Variants in PADI3 observed in about 807,000 individuals in gnomAD.
PADI3 encodes the protein peptidyl arginine deiminase 3, also known as protein-arginine deiminase type-3.
Under a neutral mutation model 71.5 loss-of-function variants are expected in PADI3, and 53 were observed. The observed-to-expected ratio is 0.74, with a 90% CI of 0.59 to 0.93. The LOEUF (loss-of-function observed/expected upper bound fraction) is 0.93, where lower values mean the gene tolerates loss of function less well. Among genes scored for constraint, PADI3 ranks in the 40% least tolerant of loss-of-function variants. PADI3 has a pLI of 0.00. For missense variants in PADI3, 821 were observed against 868.0 expected, an observed-to-expected ratio of 0.95 and a Z score of 0.68; for synonymous variants, 361 against 347.5, an observed-to-expected ratio of 1.04 and a Z score of -0.43.
At chr1:17,277,702 G>A (rs1329796446) in intron 13 of PADI3, among the ~76,000 whole-genome samples, 1 of 152,192 alleles carries the variant, frequency 6.6e-6, no homozygotes, top group East Asian at 1.9e-4. Context: ...GCAGCACTCT[G>A]CCCCCAGCAG....
intron 6 of PADI3, among the ~76,000 whole-genome samples, chr1:17,268,498 CTTTTTTTTTTTTTTT>C (rs564947321): frequency 2.2e-5 from 2 of 89,446 alleles, no homozygotes; most frequent in Admixed American, 1.3e-4. Context: ...TAATAAGATG[CTTTTTTTTTTTTTTT>C]TTTTTTTTTT....
chr1:17,262,096 CT>C (rs2073109190), intron 2 of PADI3, 36 bp from the exon 3 acceptor site: 2 of 1,594,766 alleles, frequency 1.3e-6, no homozygotes, highest in Non-Finnish European at 1.7e-6. Flanking sequence ...GAGCTCTTGG[CT>C]TCTGCTGGTA....
At chr1:17,282,493 G>A (rs1262212750) in intron 15 of PADI3, among the ~76,000 whole-genome samples, 2 of 152,146 alleles carry the variant, frequency 1.3e-5, no homozygotes, top group African/African-American at 4.8e-5. Context: ...CCTGGGAGAG[G>A]GACTCTGATT....
At chr1:17,272,710 G>T (rs7545176) in intron 9 of PADI3, among the ~76,000 whole-genome samples, 1 of 151,658 alleles carries the variant, frequency 6.6e-6, no homozygotes, top group African/African-American at 2.4e-5. Context: ...GTTGCCCAGG[G>T]TTGTCTCAAA....
chr1:17,273,267 G>A lies in PADI3; in HGVS notation c.1048-73G>A, dbSNP rs1438843402. 12 of 1,208,876 alleles carry A rather than the reference G, an allele frequency of 9.9e-6. No individual in the cohort carries two copies. The East Asian group carries it at 2.4e-4, about 24-fold the overall frequency. The allele number at this position is 1,208,876 out of a possible 1,614,324, so 74.9% of individuals were successfully genotyped here. On this transcript the variant is annotated intron_variant, in intron 9 of 15. Transcript: ENST00000375460. ...CTTGGTGAGCAGTCTGCCCCACAGGGCTCAGAGCCGAGCCAGCAGGGGCAG... is the reference window on the plus strand; with the variant it reads ...CTTGGTGAGCAGTCTGCCCCACAGGACTCAGAGCCGAGCCAGCAGGGGCAG...
chr1:17,280,443 G>T lies in PADI3; in HGVS notation c.1635+14G>T. On this transcript the variant is annotated intron_variant, in intron 14 of 15. Coordinates refer to ENST00000375460, the MANE Select transcript of PADI3 (RefSeq NM_016233.2). ...AAGTTTGTGCAGGTACAAGGGCTGT[G>T]GTGTACCTGTGGGCTGTGATTTGGG... is the stretch of plus-strand genomic sequence containing the variant. 6.2e-7 allele frequency: 1 copy of T among 1,605,068 alleles called. No homozygotes were observed. Among genetic ancestry groups the T allele is most frequent in the Non-Finnish European group, 8.5e-7 (1 of 1,171,700 alleles).
intron 1 of PADI3, among the ~76,000 whole-genome samples, chr1:17,253,571 A>C (rs2977262): frequency 0.29 from 44,704 of 151,966 alleles, 6,682 homozygotes; most frequent in South Asian, 0.35. Flanking sequence ...TCAACCCTGG[A>C]AGTGTGTTTC....
chr1:17,280,664 C>T lies in PADI3; in HGVS notation c.1636-7C>T, dbSNP rs138892691. 257 of 1,614,048 alleles carry T rather than the reference C, an allele frequency of 1.6e-4. 2 individuals carry two copies. The African/African-American group carries it at 3.0e-3, about 19-fold the overall frequency. ...TGTCCCCAACTCTGGCCCTCCCCTG[C>T]CCCCAGAGCTGCATCGACTGGAACC... On this transcript the variant is annotated splice_polypyrimidine_tract_variant and splice_region_variant and intron_variant, in intron 14 of 15. Coordinates refer to ENST00000375460, the MANE Select transcript of PADI3 (RefSeq NM_016233.2).
chr1:17,276,716 A>C lies in PADI3; in HGVS notation c.1452+53A>C, dbSNP rs543674764. On this transcript the variant is annotated intron_variant, in intron 12 of 15. Transcript: ENST00000375460. The stretch of plus-strand genomic sequence containing the variant: ...TCCCTGGCATCTGGGGCAAGAACTG[A>C]GCTCCAGGGCGCCATGCCAAGGCAG... The C allele has an allele frequency of 2.4e-5, 39 of 1,613,778 alleles. No homozygotes were observed. In the African/African-American group the frequency reaches 4.9e-4, roughly 20 times the overall value.
intron 11 of PADI3, among the ~76,000 whole-genome samples, chr1:17,275,787 G>A (rs374304048): frequency 3.3e-5 from 5 of 152,232 alleles, no homozygotes; most frequent in East Asian, 1.9e-4. Flanking sequence ...TGAATCCAGA[G>A]TCAAGCTTTG....
rs765582813 is a variant in PADI3 at position 17,270,897 on chromosome 1, A to C, written c.850A>C (p.Ile284Leu). The change falls in exon 8 of 16, where the codon ATC becomes CTC. Residue 284 changes from isoleucine to leucine, a missense_variant. Transcript: ENST00000375460. Reference protein sequence around the residue: ...DSNEDFSASPIFTDTVVFRVA... With the variant: ...DSNEDFSASPLFTDTVVFRVA... ...CCTGCAGGATTTCTCGGCATCCCCT[A>C]TCTTCACTGACACTGTGGTGTTCCG... The C allele has an allele frequency of 6.2e-7, 1 of 1,613,850 alleles. No individual in the cohort carries two copies. Among genetic ancestry groups the C allele is most frequent in the Non-Finnish European group, 8.5e-7 (1 of 1,179,914 alleles).
rs762034500 is a variant in PADI3 at position 17,259,678 on chromosome 1, A to G, written c.193A>G (p.Thr65Ala). ...NMERGRERAD[T>A]RRWRFDATLE... ...GGAGAGGGGCCGGGAGCGTGCAGAC[A>G]CCAGGCGGTGGCGCTTTGACGCGAC... The change falls in exon 2 of 16, where the codon ACC becomes GCC. Residue 65 changes from threonine (T) to alanine (A), a missense_variant. Coordinates refer to ENST00000375460, the MANE Select transcript of PADI3 (RefSeq NM_016233.2). The G allele has an allele frequency of 6.8e-6, 11 of 1,613,842 alleles. No individual in the cohort carries two copies. Among genetic ancestry groups the G allele is most frequent in the Non-Finnish European group, 8.5e-6 (10 of 1,179,778 alleles).
At chr1:17,275,025 C>T (rs914973664) in intron 11 of PADI3, among the ~76,000 whole-genome samples, 3 of 152,136 alleles carry the variant, frequency 2.0e-5, no homozygotes, top group African/African-American at 7.2e-5. Context: ...CCAACACTTT[C>T]ATTTTACAAG....
chr1:17,255,983 G>A (rs959549327), intron 1 of PADI3, among the ~76,000 whole-genome samples: 1 of 152,110 alleles, frequency 6.6e-6, no homozygotes, highest in Non-Finnish European at 1.5e-5. Flanking sequence ...AAGAACCAGC[G>A]CTGGCTCCCC....
intron 3 of PADI3, 81 bp downstream of exon 3, chr1:17,262,286 A>C: frequency 9.8e-7 from 1 of 1,023,550 alleles, no homozygotes; most frequent in Non-Finnish European, 1.4e-6. Flanking sequence ...TACGTTGAAA[A>C]TTAAACCTCC....
intron 8 of PADI3, 25 bp downstream of exon 8, chr1:17,271,007 C>T (rs1280555522): frequency 6.2e-7 from 1 of 1,612,364 alleles, no homozygotes. Flanking sequence ...AGTGGGTGGT[C>T]CCTCTGGCCC....
At position 17,273,446 on chromosome 1, in the gene PADI3, T is replaced by C; in HGVS notation, c.1154T>C (p.Leu385Pro). Reference protein sequence around the residue: ...ELQDFPYKRILGPDFGYVTRE... With the variant: ...ELQDFPYKRIPGPDFGYVTRE... ...CAGGATTTCCCTTACAAAAGAATCC[T>C]GGTGAGTGGTCCCGGCCGCAGCCCA... is the stretch of plus-strand genomic sequence containing the variant. Residue 385 changes from leucine (L) to proline (P), a missense_variant and splice_region_variant, in exon 10 of 16, where the codon CTG (leucine) becomes CCG (proline). By Grantham distance (98) the Leu-to-Pro change is moderately conservative. Transcript: ENST00000375460. 2 of 1,606,460 alleles carry C rather than the reference T, an allele frequency of 1.2e-6. No individual in the cohort carries two copies. Among genetic ancestry groups the C allele is most frequent in the Non-Finnish European group, 8.5e-7 (1 of 1,173,608 alleles).
intron 9 of PADI3, among the ~76,000 whole-genome samples, chr1:17,271,717 G>A (rs531064953): frequency 1.1e-4 from 16 of 151,834 alleles, no homozygotes; most frequent in African/African-American, 2.9e-4. Flanking sequence ...GCATGGTGGC[G>A]TGTGTCTGTA....
intron 8 of PADI3, 28 bp downstream of exon 8, chr1:17,271,010 T>A: frequency 1.2e-6 from 2 of 1,611,376 alleles, no homozygotes; most frequent in African/African-American, 1.3e-5. Flanking sequence ...GGGTGGTCCC[T>A]CTGGCCCCCA....
Sources: allele counts gnomAD v4.1 joint callset (sites outside exome capture counted in the v4.1 genomes callset), GRCh38; gene constraint gnomAD v4.1.1; transcripts MANE v1.5; gene names NCBI Gene and HGNC (gene_info 2026-07-23, HGNC 2026-07-21).